Variants in VPS45 observed in about 807,000 individuals in gnomAD.
VPS45 encodes the protein vacuolar protein sorting 45 homolog.
VPS45 carries 35 observed loss-of-function variants against 75.9 expected under a neutral mutation model. The observed-to-expected ratio is 0.46, with a 90% CI of 0.35 to 0.61. VPS45 has a LOEUF of 0.61. VPS45 is among the 20% of genes least tolerant of loss of function. The probability of loss-of-function intolerance (pLI) is 0.00; values close to 1 mark genes in which losing one functional copy is unlikely to be tolerated. For missense variants in VPS45, 559 were observed against 685.9 expected, an observed-to-expected ratio of 0.81 and a Z score of 2.07; for synonymous variants, 220 against 238.2, an observed-to-expected ratio of 0.92 and a Z score of 0.70.
intron 12 of VPS45, chr1:150,092,625 G>A (rs1656393523): frequency 3.1e-6 from 1 of 320,344 alleles, no homozygotes; most frequent in East Asian, 4.9e-5. Context: ...TAGCTTAGCA[G>A]GAAATAACTG....
At chr1:150,112,643 C>T (rs782161749) in intron 14 of VPS45, among the ~76,000 whole-genome samples, 2 of 152,166 alleles carry the variant, frequency 1.3e-5, no homozygotes, top group African/African-American at 4.8e-5. Flanking sequence ...TCAATTCTGA[C>T]ACGATCTACC....
chr1:150,138,314 G>T (rs1480690108), intron 14 of VPS45, among the ~76,000 whole-genome samples: 1 of 152,172 alleles, frequency 6.6e-6, no homozygotes, highest in East Asian at 1.9e-4. Context: ...GCGCAGGCTG[G>T]TCGTTGTTAT....
At chr1:150,074,329 G>A (rs2101505622) in intron 3 of VPS45, among the ~76,000 whole-genome samples, 1 of 151,734 alleles carries the variant, frequency 6.6e-6, no homozygotes, top group Non-Finnish European at 1.5e-5. Flanking sequence ...CACCTGTTGT[G>A]TGTATTAATA....
intron 14 of VPS45, 56 bp from the exon 15 acceptor site, chr1:150,144,653 C>G: frequency 1.4e-6 from 2 of 1,474,126 alleles, no homozygotes; most frequent in Non-Finnish European, 1.9e-6. Context: ...GCAAGACATT[C>G]TATTTTTGGA....
chr1:150,124,114 C>T (rs1314536704), intron 14 of VPS45, among the ~76,000 whole-genome samples: 1 of 152,058 alleles, frequency 6.6e-6, no homozygotes, highest in African/African-American at 2.4e-5. Context: ...TGCTGGCAAA[C>T]AGGTAAAGGA....
At chr1:150,134,858 C>T (rs1470845715) in intron 14 of VPS45, among the ~76,000 whole-genome samples, 1 of 151,892 alleles carries the variant, frequency 6.6e-6, no homozygotes, top group African/African-American at 2.4e-5. Context: ...CAAGGAGAAA[C>T]AAGAAGAAAA....
At chr1:150,129,663 G>A (rs587769720) in intron 14 of VPS45, among the ~76,000 whole-genome samples, 5 of 150,654 alleles carry the variant, frequency 3.3e-5, no homozygotes, top group East Asian at 2.0e-4. Flanking sequence ...AGGTTCAAGC[G>A]ATTCTCCTGC....
chr1:150,089,056 G>A (rs1360981799), intron 10 of VPS45, among the ~76,000 whole-genome samples: 2 of 152,054 alleles, frequency 1.3e-5, no homozygotes, highest in African/African-American at 2.4e-5. Flanking sequence ...ATTTCTCCAC[G>A]TCATCATCAA....
At position 150,122,299 on chromosome 1, in the gene VPS45, C is replaced by T. The variant is rs587691350; in HGVS notation, c.1625+11672C>T. Among the ~76,000 whole-genome samples, 25 of 151,998 alleles carry T rather than the reference C, an allele frequency of 1.6e-4. 2 individuals are homozygous for T. The highest frequency in any genetic ancestry group is 4.6e-4 in the African/African-American group (19 of 41,470). ...TTGAGCCACTACACTCCAGCGTGGG[C>T]GACAGAAAGAAGAGTGTGCAAAGAC... On this transcript the variant is annotated intron_variant, in intron 14 of 14. Transcript: ENST00000644510.
intron 14 of VPS45, among the ~76,000 whole-genome samples, chr1:150,144,256 G>A (rs1272415495): frequency 2.6e-5 from 4 of 152,018 alleles, no homozygotes; most frequent in Non-Finnish European, 4.4e-5. Context: ...CCTGTAATCT[G>A]CATTTTAGAA....
chr1:150,088,434 A>AATAAATAT (rs1400963423), intron 10 of VPS45, among the ~76,000 whole-genome samples: 36 of 125,534 alleles, frequency 2.9e-4, no homozygotes, highest in African/African-American at 1.1e-3. Flanking sequence ...CTGAATAATA[A>AATAAATAT]ATATATATAT....
At chr1:150,083,929 G>A (rs1484530690) in intron 10 of VPS45, among the ~76,000 whole-genome samples, 1 of 151,992 alleles carries the variant, frequency 6.6e-6, no homozygotes, top group Non-Finnish European at 1.5e-5. Context: ...TCTAGTTGAA[G>A]AGACAAAACT....
At chr1:150,110,965 T>A (rs892403547) in intron 14 of VPS45, among the ~76,000 whole-genome samples, 25 of 152,176 alleles carry the variant, frequency 1.6e-4, no homozygotes, top group Admixed American at 7.2e-4. Flanking sequence ...GGGTTTTTTT[T>A]AAAGAGGGAG....
At chr1:150,118,540 G>T (rs1239631102) in intron 14 of VPS45, among the ~76,000 whole-genome samples, 1 of 151,808 alleles carries the variant, frequency 6.6e-6, no homozygotes, top group African/African-American at 2.4e-5. Context: ...AGAGTAGCTG[G>T]CACTACAGGC....
At chr1:150,074,019 T>G (rs1348707459) in intron 3 of VPS45, among the ~76,000 whole-genome samples, 1 of 150,372 alleles carries the variant, frequency 6.7e-6, no homozygotes, top group African/African-American at 2.5e-5. Context: ...TGTTTTTGTT[T>G]TTTTTTTTTG....
chr1:150,073,839 C>T (rs1655215758), intron 3 of VPS45, among the ~76,000 whole-genome samples: 1 of 152,030 alleles, frequency 6.6e-6, no homozygotes, highest in South Asian at 2.1e-4. Flanking sequence ...CCACCCCAAC[C>T]CCCTCATTAA....
At chr1:150,116,076 A>G (rs587726888) in intron 14 of VPS45, among the ~76,000 whole-genome samples, 1 of 152,266 alleles carries the variant, frequency 6.6e-6, no homozygotes, top group East Asian at 1.9e-4. Flanking sequence ...TTACAAGATA[A>G]TTTTCACCTT....
chr1:150,082,973 A>G, intron 10 of VPS45, 90 bp downstream of exon 10: 1 of 1,337,624 alleles, frequency 7.5e-7, no homozygotes, highest in Non-Finnish European at 1.0e-6. Flanking sequence ...TTCTTCATCA[A>G]CATGGAATTT....
intron 14 of VPS45, among the ~76,000 whole-genome samples, chr1:150,114,671 G>A (rs587635881): frequency 9.2e-5 from 14 of 151,906 alleles, no homozygotes; most frequent in East Asian, 7.7e-4. Context: ...CAAGGCAGGC[G>A]GATTGCTTGA....
Sources: gnomAD v4.1 joint callset for allele counts (sites outside exome capture counted in the v4.1 genomes callset) on GRCh38, gnomAD v4.1.1 for gene constraint, MANE v1.5 for transcripts, NCBI Gene and HGNC (gene_info 2026-07-23, HGNC 2026-07-21) for gene names.